OSBPL1A: variants seen among roughly 807,000 people sequenced by gnomAD.
OSBPL1A encodes oxysterol binding protein like 1A.
A neutral mutation model predicts 137.1 loss-of-function variants in OSBPL1A; 80 were observed. That is an observed-to-expected ratio of 0.58 (90% confidence interval 0.49 to 0.70). The LOEUF is 0.70. Among genes scored for constraint, OSBPL1A ranks in the 30% least tolerant of loss-of-function variants. OSBPL1A has a pLI of 0.00. For missense variants in OSBPL1A, 970 were observed against 1,129.4 expected (o/e 0.86, Z 2.02); for synonymous variants, 365 against 389.7 (o/e 0.94, Z 0.75).
intron 2 of OSBPL1A, among the ~76,000 whole-genome samples, chr18:24,373,803 C>T (rs767965131): frequency 3.9e-5 from 6 of 152,164 alleles, no homozygotes; most frequent in Non-Finnish European, 7.3e-5. Context: ...ACTATTCACG[C>T]CTGGTCTTGC....
chr18:24,265,409 G>A (rs964713091), intron 15 of OSBPL1A, among the ~76,000 whole-genome samples: 1 of 152,218 alleles, frequency 6.6e-6, no homozygotes, highest in Non-Finnish European at 1.5e-5. Context: ...GAACCTGGGA[G>A]GCAGCGGTTT....
intron 4 of OSBPL1A, among the ~76,000 whole-genome samples, chr18:24,352,484 T>C (rs569875719): frequency 6.6e-6 from 1 of 152,308 alleles, no homozygotes; most frequent in African/African-American, 2.4e-5. Context: ...AAAATGGTCA[T>C]ACTGCCCAAG....
At chr18:24,177,972 G>A (rs772799322) in intron 21 of OSBPL1A, 41 bp downstream of exon 21, 2 of 1,564,970 alleles carry the variant, frequency 1.3e-6, no homozygotes, top group Admixed American at 3.4e-5. Context: ...CTTACAGGCA[G>A]GTCTACATGA....
At chr18:24,294,554 C>A (rs556288684) in intron 14 of OSBPL1A, among the ~76,000 whole-genome samples, 1 of 150,908 alleles carries the variant, frequency 6.6e-6, no homozygotes, top group Non-Finnish European at 1.5e-5. Context: ...ATTTTAATTT[C>A]TCCCCCAGAC....
intron 1 of OSBPL1A, among the ~76,000 whole-genome samples, chr18:24,381,791 T>A (rs1204145678): frequency 6.6e-6 from 1 of 150,402 alleles, no homozygotes; most frequent in African/African-American, 2.5e-5. Context: ...AAAAACTCCA[T>A]CTCTACTAAA....
chr18:24,266,656 C>A (rs275881), intron 15 of OSBPL1A, among the ~76,000 whole-genome samples: 78,544 of 151,872 alleles, frequency 0.52, 21,076 homozygotes, highest in African/African-American at 0.58. Context: ...CCTTCTGTAC[C>A]TTTTAGGCTT....
intron 1 of OSBPL1A, among the ~76,000 whole-genome samples, chr18:24,396,144 G>A (rs1907726722): frequency 1.3e-5 from 2 of 151,380 alleles, no homozygotes; most frequent in Admixed American, 6.6e-5. Context: ...GCTTCAACCC[G>A]GGAGGCAGAG....
intron 17 of OSBPL1A, 103 bp downstream of exon 17, chr18:24,224,939 C>T (rs1250441879): frequency 2.8e-6 from 4 of 1,449,604 alleles, no homozygotes; most frequent in East Asian, 2.3e-5. Context: ...AATATAAATC[C>T]CCTACACGGG....
At chr18:24,259,806 T>TA (rs371048579) in intron 15 of OSBPL1A, among the ~76,000 whole-genome samples, 368 of 150,930 alleles carry the variant, frequency 2.4e-3, no homozygotes, top group Non-Finnish European at 2.9e-3. Context: ...TCAGTTTAGT[T>TA]AAAAAAAAAT....
At chr18:24,343,537 C>G (rs567119640) in intron 4 of OSBPL1A, among the ~76,000 whole-genome samples, 1 of 152,142 alleles carries the variant, frequency 6.6e-6, no homozygotes, top group East Asian at 1.9e-4. Flanking sequence ...AAAAGAAGAA[C>G]AAAGTTAAAG....
At chr18:24,303,612 G>A (rs777166562) in intron 14 of OSBPL1A, 25 bp downstream of exon 14, 36 of 1,576,532 alleles carry the variant, frequency 2.3e-5, no homozygotes, top group Non-Finnish European at 3.0e-5. Context: ...AAGAGTGATT[G>A]TAGGGATAGT....
intron 4 of OSBPL1A, among the ~76,000 whole-genome samples, chr18:24,351,586 C>A (rs920259126): frequency 6.6e-6 from 1 of 152,118 alleles, no homozygotes; most frequent in African/African-American, 2.4e-5. Flanking sequence ...GTCACCTAGG[C>A]TGGAGTGCAA....
intron 14 of OSBPL1A, among the ~76,000 whole-genome samples, chr18:24,291,822 G>T (rs1170016795): frequency 6.6e-6 from 1 of 151,562 alleles, no homozygotes; most frequent in Non-Finnish European, 1.5e-5. Flanking sequence ...GGAGACTGAG[G>T]CAGGTGGATC....
At chr18:24,164,357 A>G (rs1486963267) in intron 27 of OSBPL1A, among the ~76,000 whole-genome samples, 1 of 151,646 alleles carries the variant, frequency 6.6e-6, no homozygotes, top group Non-Finnish European at 1.5e-5. Context: ...AAGCAAGCTC[A>G]TACACTCGTA....
intron 26 of OSBPL1A, 107 bp from the exon 27 acceptor site, chr18:24,165,262 C>T: frequency 1.0e-6 from 1 of 993,986 alleles, no homozygotes. Context: ...CATGTTATCT[C>T]CCTTTTATTA....
At chr18:24,246,280 TA>T (rs2088883915) in intron 15 of OSBPL1A, among the ~76,000 whole-genome samples, 1 of 151,928 alleles carries the variant, frequency 6.6e-6, no homozygotes, top group Non-Finnish European at 1.5e-5. Flanking sequence ...TAAAGCCACC[TA>T]AGGGACCGAG....
chr18:24,167,263 G>C (rs2086165079), intron 25 of OSBPL1A, 66 bp downstream of exon 25: 1 of 1,451,962 alleles, frequency 6.9e-7, no homozygotes, highest in Non-Finnish European at 9.7e-7. Flanking sequence ...CCCTACACGT[G>C]CCAGGAAAGA....
intron 17 of OSBPL1A, among the ~76,000 whole-genome samples, chr18:24,204,146 G>A (rs188775578): frequency 5.6e-4 from 86 of 152,256 alleles, no homozygotes; most frequent in African/African-American, 1.9e-3. Flanking sequence ...TAACAATTTC[G>A]TATCTCACCA....
intron 7 of OSBPL1A, among the ~76,000 whole-genome samples, chr18:24,332,104 G>T (rs753268193): frequency 2.0e-5 from 3 of 151,958 alleles, no homozygotes; most frequent in Non-Finnish European, 4.4e-5. Flanking sequence ...GGCCAGGCAT[G>T]GTGGCTTACA....
Sources: gnomAD v4.1 joint callset for allele counts (sites outside exome capture counted in the v4.1 genomes callset) on GRCh38, gnomAD v4.1.1 for gene constraint, MANE v1.5 for transcripts, NCBI Gene and HGNC (gene_info 2026-07-23, HGNC 2026-07-21) for gene names.